The following AHNAK variants were observed in gnomAD, a reference collection of about 807,000 sequenced individuals.
The protein encoded by AHNAK is neuroblast differentiation-associated protein AHNAK.
In AHNAK, 23 loss-of-function variants were observed where a neutral mutation model predicts 37.8. The ratio of observed to expected loss-of-function variants is 0.61; its 90% confidence interval spans 0.44 to 0.86. The LOEUF (loss-of-function observed/expected upper bound fraction) is 0.86, where lower values mean the gene tolerates loss of function less well. Ranked by LOEUF, AHNAK falls within the 40% of genes least tolerant of loss-of-function variation. The pLI, the probability that AHNAK is intolerant of heterozygous loss-of-function variation, is 0.00. For synonymous variants in AHNAK, 2,481 were observed against 2,636.3 expected, an observed-to-expected ratio of 0.94 and a Z score of 1.80; for missense variants, 7,411 against 7,319.4, an observed-to-expected ratio of 1.01 and a Z score of -0.46.
In AHNAK at chr11:62,517,076, T is replaced by C. The variant is rs776518675; in HGVS notation, c.17341A>G (p.Asn5781Asp). The C allele has an allele frequency of 5.8e-5, 93 of 1,614,058 alleles. No homozygotes were observed. The highest frequency in any genetic ancestry group is 7.4e-5 in the Non-Finnish European group (87 of 1,180,050). Reference protein sequence around the residue: ...FKSKKPRHRSNSFSDEREFSG... With the variant: ...FKSKKPRHRSDSFSDEREFSG... Reference sequence around the variant, plus strand: ...AACTCTCTTTCATCACTGAATGAATTTGAGCGGTGCCGTGGCTTCTTACTT... The same window carrying C: ...AACTCTCTTTCATCACTGAATGAATCTGAGCGGTGCCGTGGCTTCTTACTT... The change falls in exon 5 of 5, where the codon AAT (asparagine) becomes GAT (aspartate). Residue 5781 changes from asparagine (N) to aspartate (D), a missense_variant. Asn to Asp is a conservative substitution (Grantham distance 23). Coordinates refer to ENST00000378024, the MANE Select transcript of AHNAK (RefSeq NM_001620.3).
Position 62,519,734 on chromosome 11 carries a change from G to A in AHNAK, c.14683C>T (p.Pro4895Ser), listed in dbSNP as rs1474112290. ...LKGPRLDFEG[P>S]DAKLSGPSLK... ...GATGGGCCACTGAGTTTGGCATCAG[G>A]GCCTTCGAAATCCAGACGTGGACCT... The change falls in exon 5 of 5, where the codon CCT (proline) becomes TCT (serine). Residue 4895 changes from proline (P) to serine (S), a missense_variant. Physicochemically the swap from Pro to Ser is moderately conservative, Grantham distance 74. Coordinates refer to ENST00000378024, the MANE Select transcript of AHNAK (RefSeq NM_001620.3). The A allele has an allele frequency of 6.2e-7, 1 of 1,613,678 alleles. No homozygotes were observed. Among genetic ancestry groups the A allele is most frequent in the East Asian group, 2.2e-5 (1 of 44,880 alleles).
In AHNAK at chr11:62,517,030, G is replaced by A. The variant is rs139479070; in HGVS notation, c.17387C>T (p.Thr5796Met). The change falls in exon 5 of 5, where the codon ACG becomes ATG. Residue 5796 changes from threonine (T) to methionine (M), a missense_variant. Physicochemically the swap from Thr to Met is moderately conservative, Grantham distance 81. Transcript: ENST00000378024. ...EREFSGPSTP[T>M]GTLEFEGGEV... ...CCCACCTTCAAACTCCAGCGTCCCC[G>A]TCGGGGTGGAAGGTCCAGAGAACTC... 1,493 of 1,614,142 alleles carry A rather than the reference G, an allele frequency of 9.2e-4. 3 individuals carry two copies. Among genetic ancestry groups the A allele is most frequent in the Non-Finnish European group, 1.1e-3 (1,268 of 1,180,014 alleles).
rs146801331 is a variant in AHNAK, at chr11:62,522,113, C to G, written c.12304G>C (p.Asp4102His). The G allele has an allele frequency of 9.3e-6, 15 of 1,613,944 alleles. No individual in the cohort carries two copies. The highest frequency in any genetic ancestry group is 1.3e-5 in the African/African-American group (1 of 74,928). The change falls in exon 5 of 5, where the codon GAT becomes CAT. Residue 4102 changes from aspartate to histidine, a missense_variant. By Grantham distance (81) the Asp-to-His change is moderately conservative. Transcript: ENST00000378024. The stretch of plus-strand genomic sequence containing the variant: ...CCTTCTGGACCATGAATATCAATAT[C>G]AGGAGTGTCAATGTCCACTTTGGGT... Reference protein sequence around the residue: ...SGPKVDIDTPDIDIHGPEGKL... With the variant: ...SGPKVDIDTPHIDIHGPEGKL...
intron 5 of AHNAK, among the ~76,000 whole-genome samples, chr11:62,473,013 A>G (rs895525068): frequency 7.5e-6 from 1 of 133,938 alleles, no homozygotes; most frequent in African/African-American, 2.7e-5. Context: ...TGAACCCAGG[A>G]GGCAGAGGTT....
At chr11:62,488,379 G>A (rs938065250) in intron 5 of AHNAK, among the ~76,000 whole-genome samples, 8 of 151,692 alleles carry the variant, frequency 5.3e-5, no homozygotes, top group East Asian at 3.9e-4. Flanking sequence ...GCCAGCCAGC[G>A]GAGCTTGCCA....
intron 1 of AHNAK, among the ~76,000 whole-genome samples, chr11:62,537,621 A>C (rs1208522573): frequency 1.3e-5 from 2 of 151,870 alleles, no homozygotes; most frequent in Non-Finnish European, 2.9e-5. Context: ...TCTCTGAGAG[A>C]ACAGCTTACC....
At position 62,524,577 on chromosome 11, in the gene AHNAK, T is replaced by C. The variant is rs777710383; in HGVS notation, c.9840A>G (p.Lys3280=). The C allele has an allele frequency of 6.2e-7, 1 of 1,613,918 alleles. No homozygotes were observed. The highest frequency in any genetic ancestry group is 8.5e-7 in the Non-Finnish European group (1 of 1,179,974). The stretch of plus-strand genomic sequence containing the variant: ...TTACATGCATGTCAGGCATCTTCAG[T>C]TTTGGACCTTTTAATTTGGCATCTG... ...HGPDAKLKGP[K]LKMPDMHVNM... The change falls in exon 5 of 5, where the codon AAA becomes AAG. Residue 3280 remains lysine, a synonymous_variant. Transcript: ENST00000378024.
intron 4 of AHNAK, among the ~76,000 whole-genome samples, chr11:62,509,844 G>A (rs573319844): frequency 6.6e-6 from 1 of 152,186 alleles, no homozygotes; most frequent in African/African-American, 2.4e-5. Context: ...CCTGAACCTA[G>A]GAGGTGGAGG....
intron 5 of AHNAK, among the ~76,000 whole-genome samples, chr11:62,446,659 T>C (rs1166377741): frequency 6.6e-6 from 1 of 152,036 alleles, no homozygotes; most frequent in African/African-American, 2.4e-5. Flanking sequence ...ATCTTCATGT[T>C]TTGTCATCCA....
At chr11:62,542,826 G>A (rs963297453) in intron 1 of AHNAK, among the ~76,000 whole-genome samples, 2 of 152,218 alleles carry the variant, frequency 1.3e-5, no homozygotes, top group Admixed American at 1.3e-4. Flanking sequence ...CTATAGGAGA[G>A]GGGGTGGAGC....
chr11:62,530,371 T>G lies in AHNAK; in HGVS notation c.4046A>C (p.Glu1349Ala). The G allele has an allele frequency of 6.2e-7, 1 of 1,614,128 alleles. No individual in the cohort carries two copies. The highest frequency in any genetic ancestry group is 1.1e-5 in the South Asian group (1 of 91,078). Residue 1349 changes from glutamate (E) to alanine (A), a missense_variant, in exon 5 of 5, where the codon GAA (glutamate) becomes GCA (alanine). Glu to Ala is a moderately radical substitution (Grantham distance 107, BLOSUM62 -1). Coordinates refer to ENST00000378024, the MANE Select transcript of AHNAK (RefSeq NM_001620.3). ...GDVDVSLPEV[E>A]GEMKVPDVDI... is the part of the protein sequence containing the mutation. ...AACATCTGGCACTTTCATTTCACCT[T>G]CTACCTCAGGCAAGGACACATCCAC...
At chr11:62,539,173 G>A (rs1341995154) in intron 1 of AHNAK, among the ~76,000 whole-genome samples, 1 of 152,198 alleles carries the variant, frequency 6.6e-6, no homozygotes, top group African/African-American at 2.4e-5. Flanking sequence ...GCAAAGCTGG[G>A]GCTTAAATGG....
intron 5 of AHNAK, among the ~76,000 whole-genome samples, chr11:62,454,770 T>G (rs1273454852): frequency 1.3e-5 from 2 of 151,804 alleles, no homozygotes; most frequent in African/African-American, 4.8e-5. Context: ...ATTTAATGAG[T>G]GATCTCCCCA....
chr11:62,535,165 G>C lies in AHNAK; in HGVS notation c.180C>G (p.Ile60Met). ...KEGDQIVGATIYFDNLQSGEV... is the reference protein window; with the variant it reads ...KEGDQIVGATMYFDNLQSGEV... ...CACCCGACTGCAGGTTGTCAAAGTA[G>C]ATGGTGGCACCCACAATCTGGTCCC... Residue 60 changes from isoleucine (I) to methionine (M), a missense_variant, in exon 4 of 5, where the codon ATC (isoleucine) becomes ATG (methionine). By Grantham distance (10) the Ile-to-Met change is conservative. Transcript: ENST00000378024. 6.2e-7 allele frequency: 1 copy of C among 1,612,130 alleles called. No individual in the cohort carries two copies. Among genetic ancestry groups the C allele is most frequent in the Non-Finnish European group, 8.5e-7 (1 of 1,178,306 alleles).
chr11:62,530,420 T>C lies in AHNAK; in HGVS notation c.3997A>G (p.Lys1333Glu), dbSNP rs763176455. Residue 1333 changes from lysine to glutamate, a missense_variant, in exon 5 of 5, where the codon AAG becomes GAG. By Grantham distance (56) the Lys-to-Glu change is moderately conservative (BLOSUM62 1). Transcript: ENST00000378024. ...ISMPDVDLNL[K>E]GPKLKGDVDV... ...ACATCTCCCTTCAATTTTGGCCCCT[T>C]AAGATTCAGGTCCACATCAGGCATG... 6 of 1,614,106 alleles carry C rather than the reference T, an allele frequency of 3.7e-6. No homozygotes were observed. Among genetic ancestry groups the C allele is most frequent in the Non-Finnish European group, 5.1e-6 (6 of 1,180,006 alleles).
downstream of AHNAK, among the ~76,000 whole-genome samples, chr11:62,513,969 T>A (rs1354738877): frequency 1.3e-5 from 2 of 152,128 alleles, no homozygotes; most frequent in African/African-American, 4.8e-5. Context: ...TCTGTGGAGA[T>A]CCTCAGAAGA....
At chr11:62,545,164 C>T (rs1199279798) in intron 1 of AHNAK, among the ~76,000 whole-genome samples, 1 of 152,120 alleles carries the variant, frequency 6.6e-6, no homozygotes, top group Non-Finnish European at 1.5e-5. Context: ...CACTCTGCAG[C>T]GACCGCACGC....
At chr11:62,485,546 C>T (rs1021431492) in intron 5 of AHNAK, among the ~76,000 whole-genome samples, 1 of 151,590 alleles carries the variant, frequency 6.6e-6, no homozygotes. Flanking sequence ...ACTAAAAATA[C>T]AAAAAATTAG....
chr11:62,496,414 A>G (rs1025619812), intron 4 of AHNAK, among the ~76,000 whole-genome samples: 7 of 152,204 alleles, frequency 4.6e-5, no homozygotes, highest in African/African-American at 1.4e-4. Flanking sequence ...AGCAGGGAGA[A>G]GGAAAATCTT....
Sources: gnomAD v4.1 joint callset for allele counts (sites outside exome capture counted in the v4.1 genomes callset) on GRCh38, gnomAD v4.1.1 for gene constraint, MANE v1.5 for transcripts, NCBI Gene and HGNC (gene_info 2026-07-23, HGNC 2026-07-21) for gene names.